Variants in LGR6 observed in about 807,000 individuals in gnomAD.
The protein encoded by LGR6 is leucine-rich repeat-containing G protein-coupled receptor 6.
A neutral mutation model predicts 69.4 loss-of-function variants in LGR6; 45 were observed. That is an observed-to-expected ratio of 0.65 (90% confidence interval 0.51 to 0.83). The LOEUF (loss-of-function observed/expected upper bound fraction) is 0.83, where lower values mean the gene tolerates loss of function less well. LGR6 is among the 40% of genes least tolerant of loss of function. The probability of loss-of-function intolerance (pLI) is 0.00; values close to 1 mark genes in which losing one functional copy is unlikely to be tolerated. For synonymous variants in LGR6, 538 were observed against 555.0 expected (o/e 0.97, Z 0.43); for missense variants, 1,108 against 1,246.7 (o/e 0.89, Z 1.68).
chr1:202,291,568 C>G (rs981732276), intron 6 of LGR6, among the ~76,000 whole-genome samples: 7 of 152,218 alleles, frequency 4.6e-5, no homozygotes, highest in African/African-American at 1.7e-4. Flanking sequence ...GTGGGAGATC[C>G]AAAAGTGAAC....
rs539367374 is a variant in LGR6 at position 202,208,504 on chromosome 1, G to A, written c.212+14303G>A. ...CCCTGAGATTTGCAGTGTTCACTCCGTGAGACTTGAGATCCCAGGGGCCGG... is the reference window on the plus strand; with the variant it reads ...CCCTGAGATTTGCAGTGTTCACTCCATGAGACTTGAGATCCCAGGGGCCGG... On this transcript the variant is annotated intron_variant, in intron 1 of 17. Transcript: ENST00000367278. Among the ~76,000 whole-genome samples the A allele has an allele frequency of 1.1e-4, 16 of 152,160 alleles. No individual in the cohort carries two copies. The South Asian group carries it at 2.9e-3, about 28-fold the overall frequency.
At chr1:202,288,269 C>T (rs1001660860) in intron 6 of LGR6, among the ~76,000 whole-genome samples, 3 of 152,186 alleles carry the variant, frequency 2.0e-5, no homozygotes, top group Non-Finnish European at 2.9e-5. Flanking sequence ...ACTTTGCAAC[C>T]TCCATTCCCA....
In LGR6 at chr1:202,318,182, G is replaced by T. The variant is rs1572033542; in HGVS notation, c.1879G>T (p.Gly627Cys). 8 of 1,613,596 alleles carry T rather than the reference G, an allele frequency of 5.0e-6. No individual in the cohort carries two copies. The highest frequency in any genetic ancestry group is 6.8e-6 in the Non-Finnish European group (8 of 1,180,002). Residue 627 changes from glycine to cysteine, a missense_variant, in exon 18 of 18, where the codon GGT becomes TGT. Physicochemically the swap from Gly to Cys is radical, Grantham distance 159. Transcript: ENST00000367278. The stretch of plus-strand genomic sequence containing the variant: ...AGCCTCAGTCGATGCCCTGACCTTT[G>T]GTCAGTTCTCTGAGTACGGAGCCCG... The part of the protein sequence containing the change: ...LLASVDALTF[G>C]QFSEYGARWE...
chr1:202,318,029 G>A lies in LGR6; in HGVS notation c.1726G>A (p.Val576Met), dbSNP rs1188818595. The A allele has an allele frequency of 7.4e-6, 12 of 1,614,136 alleles. No individual in the cohort carries two copies. The highest frequency in any genetic ancestry group is 2.2e-5 in the South Asian group (2 of 91,074). Reference protein sequence around the residue: ...LAVWAIVLLSVLCNGLVLLTV... With the variant: ...LAVWAIVLLSMLCNGLVLLTV... Reference sequence around the variant, plus strand: ...CGTGTGGGCCATCGTGTTGCTCTCCGTGCTCTGCAATGGACTGGTGCTGCT... The same window carrying A: ...CGTGTGGGCCATCGTGTTGCTCTCCATGCTCTGCAATGGACTGGTGCTGCT... The change falls in exon 18 of 18, where the codon GTG becomes ATG. Residue 576 changes from valine (V) to methionine (M), a missense_variant. Transcript: ENST00000367278.
intron 4 of LGR6, among the ~76,000 whole-genome samples, chr1:202,240,561 AGTGT>A (rs377267704): frequency 6.6e-6 from 1 of 151,618 alleles, no homozygotes; most frequent in Admixed American, 6.6e-5. Context: ...GCAGGACATC[AGTGT>A]GTGTGTGTGT....
intron 7 of LGR6, among the ~76,000 whole-genome samples, chr1:202,299,564 C>T (rs1319323786): frequency 6.6e-6 from 1 of 152,202 alleles, no homozygotes; most frequent in Admixed American, 6.5e-5. Flanking sequence ...GACAGGGCCC[C>T]TGTCTTAGAA....
chr1:202,257,979 A>G (rs919490745), intron 4 of LGR6, among the ~76,000 whole-genome samples: 4 of 152,046 alleles, frequency 2.6e-5, no homozygotes, highest in African/African-American at 9.7e-5. Flanking sequence ...GTGTTTTTAA[A>G]TTTCTTTCAA....
chr1:202,318,574 C>A lies in LGR6; in HGVS notation c.2271C>A (p.Asp757Glu), dbSNP rs1253296862. 1 of 1,613,944 alleles carries A rather than the reference C, an allele frequency of 6.2e-7. No individual in the cohort carries two copies. The highest frequency in any genetic ancestry group is 1.3e-5 in the African/African-American group (1 of 74,926). The change falls in exon 18 of 18, where the codon GAC (aspartate) becomes GAA (glutamate). Residue 757 changes from aspartate (D) to glutamate (E), a missense_variant. Transcript: ENST00000367278. Reference sequence around the variant, plus strand: ...GTGCCTACATCAAACTGTACTGTGACCTGCCGCGGGGCGACTTTGAGGCCG... The same window carrying A: ...GTGCCTACATCAAACTGTACTGTGAACTGCCGCGGGGCGACTTTGAGGCCG... ...VAGAYIKLYC[D>E]LPRGDFEAVW...
chr1:202,282,517 C>T (rs1204407943), intron 6 of LGR6, among the ~76,000 whole-genome samples: 1 of 152,136 alleles, frequency 6.6e-6, no homozygotes, highest in African/African-American at 2.4e-5. Flanking sequence ...CCTGCAAAAG[C>T]CTGTGTGCCC....
In LGR6 at chr1:202,312,082, C is replaced by T. The variant is rs367586425; in HGVS notation, c.1567+1725C>T. Among the ~76,000 whole-genome samples, 4 of 152,316 alleles carry T rather than the reference C, an allele frequency of 2.6e-5. No homozygotes were observed. In the East Asian group the frequency reaches 7.7e-4, roughly 29 times the overall value. ...CCTCAAGGTGAAACTTTCCACCGAG[C>T]TTAGGTCTTGGAGAACCACAGGGCG... On this transcript the variant is annotated intron_variant, in intron 16 of 17. Transcript: ENST00000367278.
At chr1:202,241,222 C>T (rs1662176740) in intron 4 of LGR6, among the ~76,000 whole-genome samples, 1 of 152,228 alleles carries the variant, frequency 6.6e-6, no homozygotes, top group South Asian at 2.1e-4. Flanking sequence ...GCACCCCCTG[C>T]CCATGCCCCT....
intron 4 of LGR6, among the ~76,000 whole-genome samples, chr1:202,245,035 T>A (rs190515575): frequency 2.5e-4 from 38 of 152,024 alleles, no homozygotes; most frequent in African/African-American, 8.9e-4. Context: ...TGGAAAAGCC[T>A]CCCCGCCAAA....
chr1:202,245,426 T>G (rs1662575585), intron 4 of LGR6, among the ~76,000 whole-genome samples: 2 of 152,096 alleles, frequency 1.3e-5, no homozygotes. Flanking sequence ...GGTGATTCTT[T>G]CAGCCGTAAA....
chr1:202,195,689 G>T (rs1356828741), intron 1 of LGR6, among the ~76,000 whole-genome samples: 15 of 152,164 alleles, frequency 9.9e-5, no homozygotes, highest in Non-Finnish European at 1.9e-4. Flanking sequence ...ATGTGACATT[G>T]GTTCATTTGA....
chr1:202,312,654 A>T (rs935520940), intron 16 of LGR6, among the ~76,000 whole-genome samples: 2 of 152,146 alleles, frequency 1.3e-5, no homozygotes, highest in African/African-American at 2.4e-5. Flanking sequence ...TGTCTCTTAA[A>T]CCTGAAGATT....
rs1661509117 is a variant in LGR6, at chr1:202,235,958, A to G, written c.393A>G (p.Ala131=). 2.5e-6 allele frequency: 4 copies of G among 1,614,034 alleles called. No homozygotes were observed. The highest frequency in any genetic ancestry group is 3.4e-6 in the Non-Finnish European group (4 of 1,180,014). Residue 131 remains alanine, a synonymous_variant, in exon 4 of 18, where the codon GCA becomes GCG. Coordinates refer to ENST00000367278, the MANE Select transcript of LGR6 (RefSeq NM_001017403.2). ...ACAATCAGCTGGGAGGAATCCCCGC[A>G]GAGGCGCTGTGGGAGCTGCCGAGCC... ...LQNNQLGGIP[A]EALWELPSLQ... is the part of the protein sequence containing the mutation.
At chr1:202,250,329 A>ACT (rs1663119912) in intron 4 of LGR6, among the ~76,000 whole-genome samples, 1 of 149,752 alleles carries the variant, frequency 6.7e-6, no homozygotes, top group Admixed American at 6.6e-5. Flanking sequence ...TTCCCTCTAT[A>ACT]CTCTGAGTTC....
At chr1:202,266,278 G>A (rs1200539993) in intron 4 of LGR6, among the ~76,000 whole-genome samples, 2 of 152,258 alleles carry the variant, frequency 1.3e-5, no homozygotes, top group African/African-American at 4.8e-5. Context: ...GGGACACAGG[G>A]ACATAGCACA....
chr1:202,228,180 A>C (rs1036197924), intron 3 of LGR6, among the ~76,000 whole-genome samples, 173 bp downstream of exon 3: 6 of 152,220 alleles, frequency 3.9e-5, no homozygotes, highest in African/African-American at 7.2e-5. Context: ...GTCTGTAACA[A>C]ACTTTATGAT....
Sources: gnomAD v4.1 joint callset for allele counts (sites outside exome capture counted in the v4.1 genomes callset) on GRCh38, gnomAD v4.1.1 for gene constraint, MANE v1.5 for transcripts, NCBI Gene and HGNC (gene_info 2026-07-23, HGNC 2026-07-21) for gene names.